Variants in ANTXR1 observed in about 807,000 individuals in gnomAD.
The protein encoded by ANTXR1 is anthrax toxin receptor 1.
ANTXR1 carries 19 observed loss-of-function variants against 78.1 expected under a neutral mutation model. The observed-to-expected ratio is 0.24, with a 90% CI of 0.17 to 0.36. The LOEUF (loss-of-function observed/expected upper bound fraction) is 0.36, where lower values mean the gene tolerates loss of function less well. Ranked by LOEUF, ANTXR1 falls within the 10% of genes least tolerant of loss-of-function variation. ANTXR1 has a pLI of 1.00. For synonymous variants in ANTXR1, 273 were observed against 260.5 expected (o/e 1.05, Z -0.46); for missense variants, 518 against 718.6 (o/e 0.72, Z 3.19).
intron 3 of ANTXR1, among the ~76,000 whole-genome samples, chr2:69,049,159 T>C (rs1399850593): frequency 6.6e-6 from 1 of 152,034 alleles, no homozygotes; most frequent in African/African-American, 2.4e-5. Context: ...TAAAATGATT[T>C]ACAAAAACGT....
At chr2:69,039,250 A>T (rs1050443247) in intron 1 of ANTXR1, among the ~76,000 whole-genome samples, 1 of 152,204 alleles carries the variant, frequency 6.6e-6, no homozygotes, top group Non-Finnish European at 1.5e-5. Context: ...GAATATGAGC[A>T]CTATGGAAAA....
chr2:69,096,899 G>C (rs1224209803), intron 9 of ANTXR1, among the ~76,000 whole-genome samples: 2 of 152,238 alleles, frequency 1.3e-5, no homozygotes, highest in African/African-American at 4.8e-5. Context: ...GCATGTGGCT[G>C]CCATTTAGCA....
intron 12 of ANTXR1, among the ~76,000 whole-genome samples, chr2:69,151,327 C>G (rs1028263243): frequency 1.2e-4 from 18 of 151,032 alleles, no homozygotes; most frequent in African/African-American, 4.4e-4. Context: ...TCACAATTTG[C>G]CCCCTCTCTC....
chr2:69,019,198 G>A (rs1057029508), intron 1 of ANTXR1, among the ~76,000 whole-genome samples: 1 of 152,206 alleles, frequency 6.6e-6, no homozygotes, highest in Non-Finnish European at 1.5e-5. Context: ...AATAAGGAAA[G>A]CAAAGAGTTC....
intron 6 of ANTXR1, among the ~76,000 whole-genome samples, chr2:69,075,113 G>C (rs1670689760): frequency 6.6e-6 from 1 of 151,978 alleles, no homozygotes; most frequent in Non-Finnish European, 1.5e-5. Flanking sequence ...CGTGGTTCTA[G>C]CCTTGTGTGA....
At position 69,122,746 on chromosome 2, in the gene ANTXR1, C is replaced by T. The variant is rs928676332; in HGVS notation, c.803-271C>T. Reference sequence around the variant, plus strand: ...TCTCCTAATGCTATCCCTCCCCCCTCCTCCCACCCCACAACAGTCCCCGGT... The same window carrying T: ...TCTCCTAATGCTATCCCTCCCCCCTTCTCCCACCCCACAACAGTCCCCGGT... On this transcript the variant is annotated intron_variant, in intron 10 of 17. Transcript: ENST00000303714. 4.6e-5 allele frequency among the ~76,000 whole-genome samples: 7 copies of T among 152,078 alleles called. No homozygotes were observed. The East Asian group carries it at 7.7e-4, about 17-fold the overall frequency.
In ANTXR1 at chr2:69,045,604, G is replaced by C. The variant is rs541726759; in HGVS notation, c.296+791G>C. ...AGAAAAGGAGGAAGGGCCAGTACAG[G>C]GGGGGCAGGAAGACTTTATTCTCTA... On this transcript the variant is annotated intron_variant, in intron 3 of 17. Transcript: ENST00000303714. Among the ~76,000 whole-genome samples, 6 of 152,030 alleles carry C rather than the reference G, an allele frequency of 3.9e-5. No homozygotes were observed. The East Asian group carries it at 7.7e-4, about 20-fold the overall frequency.
At chr2:69,048,380 A>G (rs1285621521) in intron 3 of ANTXR1, among the ~76,000 whole-genome samples, 1 of 152,192 alleles carries the variant, frequency 6.6e-6, no homozygotes, top group Non-Finnish European at 1.5e-5. Flanking sequence ...CTTTTAATGT[A>G]TATCTGAATT....
At position 69,101,311 on chromosome 2, in the gene ANTXR1, C is replaced by A. The variant is rs78696179; in HGVS notation, c.704-1531C>A. Among the ~76,000 whole-genome samples, 312 of 152,250 alleles carry A rather than the reference C, an allele frequency of 2.0e-3. 7 individuals are homozygous for A. In the East Asian group the frequency reaches 0.053, roughly 26 times the overall value. On this transcript the variant is annotated intron_variant, in intron 9 of 17. Coordinates refer to ENST00000303714, the MANE Select transcript of ANTXR1 (RefSeq NM_032208.3). ...CTCATCTGTCAGAAGGCAGTGAGTCCCCCTTTTCGCATGGTGGTTCAGAAG... is the reference window on the plus strand; with the variant it reads ...CTCATCTGTCAGAAGGCAGTGAGTCACCCTTTTCGCATGGTGGTTCAGAAG...
chr2:69,096,856 C>T (rs754066045), intron 9 of ANTXR1, among the ~76,000 whole-genome samples: 8 of 152,128 alleles, frequency 5.3e-5, no homozygotes, highest in Non-Finnish European at 1.2e-4. Context: ...TACTCCTCAC[C>T]ACTCTCCATT....
chr2:69,076,058 G>A (rs77368477), intron 7 of ANTXR1, among the ~76,000 whole-genome samples: 1,704 of 152,208 alleles, frequency 0.011, 35 homozygotes, highest in African/African-American at 0.039. Context: ...TGATCCTCCC[G>A]CCTCAGCCTC....
At chr2:69,136,120 C>T (rs1288500277) in intron 12 of ANTXR1, among the ~76,000 whole-genome samples, 1 of 152,090 alleles carries the variant, frequency 6.6e-6, no homozygotes, top group Non-Finnish European at 1.5e-5. Flanking sequence ...AGTGAGACAT[C>T]CTACCACAGA....
At position 69,148,908 on chromosome 2, in the gene ANTXR1, A is replaced by G. The variant is rs557413328; in HGVS notation, c.952-3261A>G. Among the ~76,000 whole-genome samples the G allele has an allele frequency of 7.8e-4, 118 of 152,188 alleles. 1 individual carries two copies. Among genetic ancestry groups the G allele is most frequent in the Non-Finnish European group, 1.3e-3 (87 of 68,040 alleles). On this transcript the variant is annotated intron_variant, in intron 12 of 17. Transcript: ENST00000303714. Reference sequence around the variant, plus strand: ...ATCTTGACTAGCCAATCAATCCTGTATTTCCTGGTTCTGCTCAATGGGGAA... The same window carrying G: ...ATCTTGACTAGCCAATCAATCCTGTGTTTCCTGGTTCTGCTCAATGGGGAA...
At chr2:69,184,924 T>C (rs1674382676) in intron 16 of ANTXR1, among the ~76,000 whole-genome samples, 1 of 152,214 alleles carries the variant, frequency 6.6e-6, no homozygotes, top group South Asian at 2.1e-4. Flanking sequence ...AAAAGCACAC[T>C]GGCTCTCAGC....
intron 2 of ANTXR1, among the ~76,000 whole-genome samples, chr2:69,043,365 C>G (rs1452706771): frequency 6.6e-6 from 1 of 152,154 alleles, no homozygotes; most frequent in Non-Finnish European, 1.5e-5. Context: ...ATCATACGTG[C>G]AAATCACTAT....
chr2:69,227,345 C>G (rs755247570), intron 17 of ANTXR1, among the ~76,000 whole-genome samples: 1 of 152,102 alleles, frequency 6.6e-6, no homozygotes. Flanking sequence ...CTGGGCAGGT[C>G]TCACCTCTTC....
At chr2:69,052,210 C>T (rs1343468716) in intron 3 of ANTXR1, among the ~76,000 whole-genome samples, 1 of 152,014 alleles carries the variant, frequency 6.6e-6, no homozygotes, top group African/African-American at 2.4e-5. Context: ...AATACACGCA[C>T]ACATTCACAC....
At chr2:69,051,636 C>A (rs6546476) in intron 3 of ANTXR1, among the ~76,000 whole-genome samples, 1 of 151,692 alleles carries the variant, frequency 6.6e-6, no homozygotes, top group Admixed American at 6.6e-5. Flanking sequence ...AAAATATGTA[C>A]ACTTTGATGA....
chr2:69,242,101 G>A (rs555940751), intron 17 of ANTXR1, among the ~76,000 whole-genome samples: 48 of 152,250 alleles, frequency 3.2e-4, no homozygotes, highest in Admixed American at 2.7e-3. Context: ...ACAATGCTCT[G>A]GATTAGGTGA....
Sources: allele counts gnomAD v4.1 joint callset (sites outside exome capture counted in the v4.1 genomes callset), GRCh38; gene constraint gnomAD v4.1.1; transcripts MANE v1.5; gene names NCBI Gene and HGNC (gene_info 2026-07-23, HGNC 2026-07-21).